SP2: variants seen among roughly 807,000 people sequenced by gnomAD.
SP2 encodes the protein transcription factor Sp2.
Under a neutral mutation model 50.1 loss-of-function variants are expected in SP2, and 9 were observed. The observed-to-expected ratio is 0.18, with a 90% CI of 0.11 to 0.31. The LOEUF is 0.31. Ranked by LOEUF, SP2 falls within the 10% of genes least tolerant of loss-of-function variation. The pLI, the probability that SP2 is intolerant of heterozygous loss-of-function variation, is 1.00. For missense variants in SP2, 581 were observed against 806.5 expected, an observed-to-expected ratio of 0.72 and a Z score of 3.39; for synonymous variants, 313 against 326.6, an observed-to-expected ratio of 0.96 and a Z score of 0.45.
chr17:47,916,725 C>T lies in SP2; in HGVS notation c.654C>T (p.Asn218=), dbSNP rs372866839. The T allele has an allele frequency of 6.1e-5, 98 of 1,613,028 alleles. No homozygotes were observed. Among genetic ancestry groups the T allele is most frequent in the Non-Finnish European group, 7.8e-5 (92 of 1,179,376 alleles). The change falls in exon 3 of 7, where the codon AAC becomes AAT. Residue 218 remains asparagine (N), a synonymous_variant. Coordinates refer to ENST00000376741, the MANE Select transcript of SP2 (RefSeq NM_003110.6). The surrounding 1 kb of genome is among the most constrained non-coding windows in gnomAD (Gnocchi z 4.7). The part of the protein sequence containing the change: ...GNVTLTLPVN[N]LVNASDTGAP... Reference sequence around the variant, plus strand: ...TGACGCTCACTCTGCCCGTCAACAACCTTGTGAACGCCAGTGACACCGGGG... The same window carrying T: ...TGACGCTCACTCTGCCCGTCAACAATCTTGTGAACGCCAGTGACACCGGGG...
chr17:47,921,162 A>T (rs529515568), intron 3 of SP2, among the ~76,000 whole-genome samples: 41 of 152,132 alleles, frequency 2.7e-4, no homozygotes, highest in Non-Finnish European at 1.8e-4. Flanking sequence ...GGTTCCTCTC[A>T]TTGAAGGATG....
In SP2 at chr17:47,901,030, C is replaced by T. The variant is rs1268764308; in HGVS notation, c.7+4737C>T. ...CCCCACACACTTCCAGAGTCCCTTC[C>T]AGTACAATGGGATGTGACGCAGTCA... On this transcript the variant is annotated intron_variant, in intron 1 of 6. Coordinates refer to ENST00000376741, the MANE Select transcript of SP2 (RefSeq NM_003110.6). 2.6e-5 allele frequency among the ~76,000 whole-genome samples: 4 copies of T among 152,150 alleles called. No homozygotes were observed. In the East Asian group the frequency reaches 7.7e-4, roughly 29 times the overall value.
In SP2 at chr17:47,925,514, C is replaced by A; in HGVS notation, c.1714C>A (p.Leu572Ile). The A allele has an allele frequency of 6.2e-7, 1 of 1,614,062 alleles. No homozygotes were observed. The highest frequency in any genetic ancestry group is 8.5e-7 in the Non-Finnish European group (1 of 1,179,996). ...CGKRFTRSDE[L>I]QRHARTHTGD... ...GAAGAGGTTCACACGGAGTGACGAG[C>A]TCCAACGGCATGCTCGCACCCACAC... is the stretch of plus-strand genomic sequence containing the variant. The change falls in exon 6 of 7, where the codon CTC becomes ATC. Residue 572 changes from leucine to isoleucine, a missense_variant. By Grantham distance (5) the Leu-to-Ile change is conservative (BLOSUM62 2). This residue lies in a region of SP2 where 184 missense variants were observed against 315.5 expected (regional missense o/e 0.58). Transcript: ENST00000376741.
intron 1 of SP2, chr17:47,898,252 AATT>A (rs1331159505): frequency 2.0e-5 from 3 of 152,240 alleles, no homozygotes; most frequent in Non-Finnish European, 4.4e-5. Flanking sequence ...GGAGAAAAGA[AATT>A]ATAAGATTTG....
intron 1 of SP2, 163 bp downstream of exon 1, chr17:47,896,456 C>T (rs2034334632): frequency 3.7e-6 from 2 of 539,478 alleles, no homozygotes; most frequent in Non-Finnish European, 2.8e-6. Context: ...GGATTCCCGC[C>T]CGGAGGAGGA....
At chr17:47,896,919 C>G (rs2325747) in intron 1 of SP2, among the ~76,000 whole-genome samples, 1 of 152,046 alleles carries the variant, frequency 6.6e-6, no homozygotes, top group Non-Finnish European at 1.5e-5. Context: ...GACCTCTCAC[C>G]GGGGAGTGGG....
rs781086369 is a variant in SP2, at chr17:47,922,980, T to C, written c.1078T>C (p.Ser360Pro). Residue 360 changes from serine to proline, a missense_variant, in exon 4 of 7, where the codon TCC becomes CCC. This residue lies in a region of SP2 where 397 missense variants were observed against 491.0 expected (regional missense o/e 0.81). Coordinates refer to ENST00000376741, the MANE Select transcript of SP2 (RefSeq NM_003110.6). ...CTCCCAGGTCTACATCCGCACGCCTTCCGGTGAGGTGCAGACAGTCCTTGT... is the reference window on the plus strand; with the variant it reads ...CTCCCAGGTCTACATCCGCACGCCTCCCGGTGAGGTGCAGACAGTCCTTGT... ...TPTQVYIRTP[S>P]GEVQTVLVQD... 6.2e-7 allele frequency: 1 copy of C among 1,612,882 alleles called. No individual in the cohort carries two copies. Among genetic ancestry groups the C allele is most frequent in the Admixed American group, 1.7e-5 (1 of 59,990 alleles).
intron 4 of SP2, among the ~76,000 whole-genome samples, chr17:47,923,847 G>A (rs1046877428): frequency 1.3e-4 from 20 of 151,580 alleles, no homozygotes; most frequent in African/African-American, 4.1e-4. Flanking sequence ...GATTATAGAC[G>A]CCCACCACCA....
chr17:47,930,642 A>G (rs1223043936), downstream of SP2, among the ~76,000 whole-genome samples: 1 of 152,168 alleles, frequency 6.6e-6, no homozygotes, highest in Admixed American at 6.5e-5. Context: ...CCTATCCATT[A>G]TTTGAGAGTT....
chr17:47,897,851 A>T (rs1455103663), intron 1 of SP2: 1 of 985,268 alleles, frequency 1.0e-6, no homozygotes, highest in Non-Finnish European at 1.2e-6. Flanking sequence ...AATTGGGCTG[A>T]TGATGTCAGT....
chr17:47,900,792 A>G (rs1018164331), intron 1 of SP2, among the ~76,000 whole-genome samples: 12 of 152,112 alleles, frequency 7.9e-5, no homozygotes, highest in African/African-American at 2.9e-4. Context: ...AAAACAAAAC[A>G]CTGATCATGG....
At position 47,928,144 on chromosome 17, in the gene SP2, G is replaced by A. The variant is rs911529816; in HGVS notation, c.*320G>A. On this transcript the variant is annotated 3_prime_UTR_variant, in exon 7 of 7. Coordinates refer to ENST00000376741, the MANE Select transcript of SP2 (RefSeq NM_003110.6). ...GGAAAAACATGCATTTCACTCCGTCGAGGAGCAAAGTGAGCCCCTACCCCC... is the reference window on the plus strand; with the variant it reads ...GGAAAAACATGCATTTCACTCCGTCAAGGAGCAAAGTGAGCCCCTACCCCC... The A allele has an allele frequency of 1.3e-5, 3 of 239,764 alleles. No individual in the cohort carries two copies. The highest frequency in any genetic ancestry group is 5.3e-5 in the Admixed American group (1 of 18,918). 14.9% of individuals were successfully genotyped at this position (239,764 alleles called of 1,614,324 possible).
At position 47,916,942 on chromosome 17, in the gene SP2, G is replaced by A; in HGVS notation, c.871G>A (p.Gly291Ser). 1 of 1,614,214 alleles carries A rather than the reference G, an allele frequency of 6.2e-7. No homozygotes were observed. The highest frequency in any genetic ancestry group is 8.5e-7 in the Non-Finnish European group (1 of 1,180,036). ...GNNLLIVQSP[G>S]GGQPAVVQQV... Reference sequence around the variant, plus strand: ...TAACCTGCTCATTGTTCAGAGCCCTGGTGGGGGCCAGCCAGCTGTGGTCCA... The same window carrying A: ...TAACCTGCTCATTGTTCAGAGCCCTAGTGGGGGCCAGCCAGCTGTGGTCCA... The change falls in exon 3 of 7, where the codon GGT (glycine) becomes AGT (serine). Residue 291 changes from glycine (G) to serine (S), a missense_variant. This residue lies in a region of SP2 where 397 missense variants were observed against 491.0 expected (regional missense o/e 0.81). Transcript: ENST00000376741. The surrounding 1 kb of genome is among the most constrained non-coding windows in gnomAD (Gnocchi z 4.7).
chr17:47,904,059 G>C (rs1307431529), intron 1 of SP2, among the ~76,000 whole-genome samples: 1 of 151,948 alleles, frequency 6.6e-6, no homozygotes, highest in Admixed American at 6.6e-5. Context: ...TCAGGAGATC[G>C]AGACCATCCT....
intron 1 of SP2, among the ~76,000 whole-genome samples, chr17:47,902,849 G>A (rs572220525): frequency 3.9e-5 from 6 of 152,258 alleles, no homozygotes; most frequent in East Asian, 1.9e-4. Flanking sequence ...TCCACCTCCC[G>A]GGTTCAAGCG....
chr17:47,919,636 C>CTACA (rs1283093732), intron 3 of SP2, among the ~76,000 whole-genome samples: 2 of 151,886 alleles, frequency 1.3e-5, no homozygotes, highest in Admixed American at 1.3e-4. Flanking sequence ...CAAGAACATT[C>CTACA]TACATTACCA....
chr17:47,905,131 G>A (rs1465837128), intron 1 of SP2, among the ~76,000 whole-genome samples: 1 of 152,158 alleles, frequency 6.6e-6, no homozygotes, highest in Admixed American at 6.5e-5. Flanking sequence ...GCACAATTTG[G>A]AGTCTTTCAC....
chr17:47,928,879 C>T lies in SP2; in HGVS notation c.*1055C>T, dbSNP rs184804668. Reference sequence around the variant, plus strand: ...TGACAGATTTGTTATCCTTTATTAACGTACTTTGTTGGTCAGCACTGGGCT... The same window carrying T: ...TGACAGATTTGTTATCCTTTATTAATGTACTTTGTTGGTCAGCACTGGGCT... On this transcript the variant is annotated 3_prime_UTR_variant, in exon 7 of 7. Transcript: ENST00000376741. 5.2e-5 allele frequency: 8 copies of T among 152,758 alleles called. No individual in the cohort carries two copies. Among genetic ancestry groups the T allele is most frequent in the Middle Eastern group, 3.4e-3 (1 of 294 alleles). 9.5% of individuals were successfully genotyped at this position (152,758 alleles called of 1,614,324 possible).
chr17:47,904,959 A>G (rs1435689645), intron 1 of SP2, among the ~76,000 whole-genome samples: 1 of 152,006 alleles, frequency 6.6e-6, no homozygotes, highest in Non-Finnish European at 1.5e-5. Context: ...TTTTGTAGAG[A>G]TGGCATCTTG....
Sources: allele counts gnomAD v4.1 joint callset (sites outside exome capture counted in the v4.1 genomes callset), GRCh38; gene constraint gnomAD v4.1.1; regional missense constraint gnomAD v4.1.1; non-coding constraint Gnocchi (gnomAD v3.1); transcripts MANE v1.5; gene names NCBI Gene and HGNC (gene_info 2026-07-23, HGNC 2026-07-21).